MYBBP1A: variants seen among roughly 807,000 people sequenced by gnomAD.
The protein encoded by MYBBP1A is myb-binding protein 1A.
MYBBP1A carries 147 observed loss-of-function variants against 136.3 expected under a neutral mutation model. The ratio of observed to expected loss-of-function variants is 1.08; its 90% CI spans 0.94 to 1.24. MYBBP1A has a LOEUF of 1.24. Ranked by LOEUF, MYBBP1A falls within the 50% of genes most tolerant of loss-of-function variation. MYBBP1A has a pLI of 0.00. For missense variants in MYBBP1A, 2,060 were observed against 1,727.4 expected (o/e 1.19, Z -3.41); for synonymous variants, 947 against 735.8 (o/e 1.29, Z -4.65).
rs1315044511 is a variant in MYBBP1A at position 4,539,913 on chromosome 17, G to A, written c.3489C>T (p.Ser1163=). 1.2e-6 allele frequency: 2 copies of A among 1,600,242 alleles called. No homozygotes were observed. Among genetic ancestry groups the A allele is most frequent in the East Asian group, 4.5e-5 (2 of 44,866 alleles). Residue 1163 remains serine, a synonymous_variant, in exon 26 of 26, where the codon AGC becomes AGT. Coordinates refer to ENST00000254718, the MANE Select transcript of MYBBP1A (RefSeq NM_014520.4). ...TTTTCTTCCGCTTCTTACTGATGGG[G>A]CTCTGGGTGGCACTGGGGATCTCCT... is the stretch of plus-strand genomic sequence containing the variant. ...DAKEIPSATQ[S]PISKKRKKKG...
Position 4,539,602 on chromosome 17 carries a change from G to A in MYBBP1A, c.3800C>T (p.Ser1267Phe). The A allele has an allele frequency of 3.7e-6, 6 of 1,614,110 alleles. No homozygotes were observed. The highest frequency in any genetic ancestry group is 5.1e-6 in the Non-Finnish European group (6 of 1,180,032). Residue 1267 changes from serine to phenylalanine, a missense_variant, in exon 26 of 26, where the codon TCC becomes TTC. Transcript: ENST00000254718. Reference sequence around the variant, plus strand: ...CTTTTGGCCTGCAGGTTCCGTGGGGGACCCGGGAGCTCCATTCACCTGGGA... The same window carrying A: ...CTTTTGGCCTGCAGGTTCCGTGGGGAACCCGGGAGCTCCATTCACCTGGGA... ...KPSQVNGAPG[S>F]PTEPAGQKQH...
intron 25 of MYBBP1A, 150 bp downstream of exon 25, chr17:4,540,198 C>A: frequency 7.9e-7 from 1 of 1,271,450 alleles, no homozygotes; most frequent in East Asian, 2.5e-5. Context: ...GCTCCCACAT[C>A]TGAGAATGCG....
Position 4,553,876 on chromosome 17 carries a change from G to A in MYBBP1A, c.495C>T (p.Ala165=), listed in dbSNP as rs148013267. 1.4e-4 allele frequency: 222 copies of A among 1,613,874 alleles called. 1 individual carries two copies. Among genetic ancestry groups the A allele is most frequent in the South Asian group, 4.7e-4 (43 of 91,084 alleles). The change falls in exon 5 of 26, where the codon GCC becomes GCT. Residue 165 remains alanine (A), a synonymous_variant. Transcript: ENST00000254718. ...GCAAGTGGTTTTGGTACTGGGCCAGGGCCTGCAGCAGCTTCACCGACTTCA... is the reference window on the plus strand; with the variant it reads ...GCAAGTGGTTTTGGTACTGGGCCAGAGCCTGCAGCAGCTTCACCGACTTCA... The part of the protein sequence containing the change: ...ALMKSVKLLQ[A]LAQYQNHLQE...
chr17:4,546,832 G>C (rs987638470), intron 13 of MYBBP1A, among the ~76,000 whole-genome samples: 1 of 152,084 alleles, frequency 6.6e-6, no homozygotes, highest in Non-Finnish European at 1.5e-5. Flanking sequence ...GTGGGACAAA[G>C]CAGCCCAAAG....
chr17:4,545,241 G>A lies in MYBBP1A; in HGVS notation c.2160+18C>T, dbSNP rs759245736. 93 of 1,512,578 alleles carry A rather than the reference G, an allele frequency of 6.1e-5. No homozygotes were observed. The highest frequency in any genetic ancestry group is 1.7e-4 in the Middle Eastern group (1 of 5,762). 93.7% of individuals were successfully genotyped at this position (1,512,578 alleles called of 1,614,324 possible). On this transcript the variant is annotated intron_variant, in intron 16 of 25. Coordinates refer to ENST00000254718, the MANE Select transcript of MYBBP1A (RefSeq NM_014520.4). ...GTCCCACTCCCCACCGCCCCCGCCC[G>A]GCCCATGCTGGCAACACCTCTGCAC... is the stretch of plus-strand genomic sequence containing the variant.
intron 19 of MYBBP1A, 150 bp from the exon 20 acceptor site, chr17:4,543,315 CGCCTGCAGGCT>C: frequency 9.4e-7 from 1 of 1,068,468 alleles, no homozygotes; most frequent in Non-Finnish European, 1.3e-6. Context: ...GGCCCAGGGC[CGCCTGCAGGCT>C]GCCTGGAAGC....
At chr17:4,541,041 C>T (rs1246968321) in intron 24 of MYBBP1A, among the ~76,000 whole-genome samples, 3 of 151,922 alleles carry the variant, frequency 2.0e-5, no homozygotes, top group East Asian at 1.9e-4. Flanking sequence ...TGGGCCAGAC[C>T]GGGGGACCCA....
chr17:4,550,213 C>T lies in MYBBP1A; in HGVS notation c.1164G>A (p.Thr388=), dbSNP rs73337535. The T allele has an allele frequency of 0.016, 25,545 of 1,613,816 alleles. 334 individuals carry two copies. The highest frequency in any genetic ancestry group is 0.049 in the African/African-American group (3,679 of 75,042). The change falls in exon 9 of 26, where the codon ACG becomes ACA. Residue 388 remains threonine (T), a synonymous_variant. Coordinates refer to ENST00000254718, the MANE Select transcript of MYBBP1A (RefSeq NM_014520.4). ...SSVTNQGLPV[T]PTFWRVVRFL... is the part of the protein sequence containing the mutation. Reference sequence around the variant, plus strand: ...ACCGCACGACCCGCCAGAAAGTAGGCGTGACAGGGAGGCCTTGGTTGGTGA... The same window carrying T: ...ACCGCACGACCCGCCAGAAAGTAGGTGTGACAGGGAGGCCTTGGTTGGTGA...
chr17:4,541,024 C>T (rs567472732), intron 24 of MYBBP1A, among the ~76,000 whole-genome samples: 6 of 151,736 alleles, frequency 4.0e-5, no homozygotes, highest in East Asian at 2.0e-4. Flanking sequence ...TCCCAAACCC[C>T]GCCCTCTGGG....
Position 4,545,270 on chromosome 17 carries a change from T to C in MYBBP1A, c.2149A>G (p.Lys717Glu). The part of the protein sequence containing the change: ...VTDDSDERRL[K>E]GAEDKSEEGE... ...CATGCTGGCAACACCTCTGCACCCT[T>C]CAGCCGCCGCTCATCAGAATCGTCC... Residue 717 changes from lysine to glutamate, a missense_variant, in exon 16 of 26, where the codon AAG (lysine) becomes GAG (glutamate). Lys to Glu is a moderately conservative substitution (Grantham distance 56). Coordinates refer to ENST00000254718, the MANE Select transcript of MYBBP1A (RefSeq NM_014520.4). 6.2e-7 allele frequency: 1 copy of C among 1,612,222 alleles called. No homozygotes were observed. Among genetic ancestry groups the C allele is most frequent in the Non-Finnish European group, 8.5e-7 (1 of 1,179,708 alleles).
chr17:4,553,748 A>C lies in MYBBP1A; in HGVS notation c.561+62T>G, dbSNP rs1332956336. 4.7e-6 allele frequency: 6 copies of C among 1,265,536 alleles called. No individual in the cohort carries two copies. In the African/African-American group the frequency reaches 8.8e-5, roughly 19 times the overall value. The allele number at this position is 1,265,536 out of a possible 1,614,324, so 78.4% of individuals were successfully genotyped here. On this transcript the variant is annotated intron_variant, in intron 5 of 25. Transcript: ENST00000254718. ...CAGTGCTGTTCCAGATTCTCATCCG[A>C]GCCCCCTTGATGTCTCTGTAACAAA...
At position 4,539,531 on chromosome 17, in the gene MYBBP1A, G is replaced by A. The variant is rs753748425; in HGVS notation, c.3871C>T (p.Pro1291Ser). Residue 1291 changes from proline to serine, a missense_variant, in exon 26 of 26, where the codon CCA (proline) becomes TCA (serine). Pro to Ser is a moderately conservative substitution (Grantham distance 74). Transcript: ENST00000254718. ...TTTTTCCGTGCCAGCGCGGACAGTGGTGATTTGCCCAAGACCCCCTTTTTG... is the reference window on the plus strand; with the variant it reads ...TTTTTCCGTGCCAGCGCGGACAGTGATGATTTGCCCAAGACCCCCTTTTTG... ...LPKKGVLGKS[P>S]LSALARKKAR... The A allele has an allele frequency of 6.2e-7, 1 of 1,614,120 alleles. No homozygotes were observed. The highest frequency in any genetic ancestry group is 1.1e-5 in the South Asian group (1 of 91,070).
chr17:4,544,295 G>C (rs764241779), intron 19 of MYBBP1A, among the ~76,000 whole-genome samples, 194 bp downstream of exon 19: 2 of 152,200 alleles, frequency 1.3e-5, no homozygotes, highest in African/African-American at 4.8e-5. Flanking sequence ...GGGAGAACGC[G>C]GGGATGAAGC....
chr17:4,544,483 G>A lies in MYBBP1A; in HGVS notation c.2639+6C>T. On this transcript the variant is annotated splice_donor_region_variant and intron_variant, in intron 19 of 25. Transcript: ENST00000254718. ...ACACCTGCCCGCCCTGCACCCCCGTGCTCACGTGAAGATGCGCGCCGTCTT... is the reference window on the plus strand; with the variant it reads ...ACACCTGCCCGCCCTGCACCCCCGTACTCACGTGAAGATGCGCGCCGTCTT... 6.5e-7 allele frequency: 1 copy of A among 1,547,702 alleles called. No individual in the cohort carries two copies. Among genetic ancestry groups the A allele is most frequent in the South Asian group, 1.2e-5 (1 of 84,046 alleles).
intron 13 of MYBBP1A, chr17:4,547,741 C>T (rs992454144): frequency 4.2e-6 from 2 of 479,146 alleles, no homozygotes; most frequent in South Asian, 4.2e-5. Flanking sequence ...GTGGGGATTA[C>T]GAGATCCTGC....
At chr17:4,546,603 T>C (rs550091179) in intron 13 of MYBBP1A, among the ~76,000 whole-genome samples, 1 of 152,326 alleles carries the variant, frequency 6.6e-6, no homozygotes. Flanking sequence ...ATTCCCTCCA[T>C]GCTTGGCTTG....
intron 8 of MYBBP1A, among the ~76,000 whole-genome samples, chr17:4,551,249 C>T (rs1907475534): frequency 6.6e-6 from 1 of 152,252 alleles, no homozygotes; most frequent in Non-Finnish European, 1.5e-5. Flanking sequence ...GAACAGTCAA[C>T]CCAGCAGCAC....
rs9907224 is a variant in MYBBP1A, at chr17:4,548,250, C to T, written c.1617G>A (p.Gln539=). Reference sequence around the variant, plus strand: ...ACTGCACCAGGTGGTAGGTCCAGGGCTGCCCACCCTGGGTCTGGCCCGGTG... The same window carrying T: ...ACTGCACCAGGTGGTAGGTCCAGGGTTGCCCACCCTGGGTCTGGCCCGGTG... ...KQAPGQTQGG[Q]PWTYHLVQFA... is the part of the protein sequence containing the mutation. The change falls in exon 12 of 26, where the codon CAG becomes CAA. Residue 539 remains glutamine (Q), a synonymous_variant. Transcript: ENST00000254718. This position sits in a 1 kb window ranked among gnomAD's most constrained non-coding sequence, Gnocchi z 4.2. 43,747 of 1,612,084 alleles carry T rather than the reference C, an allele frequency of 0.027. 736 individuals are homozygous for T. Among genetic ancestry groups the T allele is most frequent in the Middle Eastern group, 0.052 (318 of 6,062 alleles).
At chr17:4,550,470 G>A in intron 8 of MYBBP1A, 117 bp from the exon 9 acceptor site, 1 of 1,138,564 alleles carries the variant, frequency 8.8e-7, no homozygotes, top group Non-Finnish European at 1.2e-6. Context: ...CCGGGGGCAG[G>A]CGGGCAACAG....
Sources: gnomAD v4.1 joint callset for allele counts (sites outside exome capture counted in the v4.1 genomes callset) on GRCh38, gnomAD v4.1.1 for gene constraint, Gnocchi (gnomAD v3.1) non-coding constraint, MANE v1.5 for transcripts, NCBI Gene and HGNC (gene_info 2026-07-23, HGNC 2026-07-21) for gene names.